The following CDK13 variants were observed in gnomAD, a reference collection of about 807,000 sequenced individuals.
CDK13 encodes the protein cyclin dependent kinase 13.
In CDK13, 40 loss-of-function variants were observed where a neutral mutation model predicts 137.6. The ratio of observed to expected loss-of-function variants is 0.29; its 90% CI spans 0.23 to 0.38. The LOEUF (loss-of-function observed/expected upper bound fraction) is 0.38. Ranked by LOEUF, CDK13 falls within the 10% of genes least tolerant of loss-of-function variation. The probability of loss-of-function intolerance (pLI) is 1.00; values close to 1 mark genes in which losing one functional copy is unlikely to be tolerated. For synonymous variants in CDK13, 869 were observed against 760.1 expected (o/e 1.14, Z -2.36); for missense variants, 1,704 against 1,951.8 (o/e 0.87, Z 2.39).
At chr7:40,091,525 G>A (rs907448088) in intron 12 of CDK13, among the ~76,000 whole-genome samples, 1 of 151,122 alleles carries the variant, frequency 6.6e-6, no homozygotes, top group Non-Finnish European at 1.5e-5. Flanking sequence ...AAAAAAAAAA[G>A]AAGGAGAATT....
intron 1 of CDK13, among the ~76,000 whole-genome samples, chr7:39,981,565 A>T (rs191172410): frequency 4.6e-5 from 7 of 152,168 alleles, no homozygotes; most frequent in African/African-American, 1.4e-4. Context: ...AAATTTGTTT[A>T]GTTTTAGGTT....
intron 5 of CDK13, among the ~76,000 whole-genome samples, chr7:40,045,100 G>A (rs931620470): frequency 6.6e-6 from 1 of 152,132 alleles, no homozygotes. Flanking sequence ...TCTGAACCAA[G>A]TTCAGATGCT....
chr7:40,020,582 T>G (rs1453662759), intron 5 of CDK13, among the ~76,000 whole-genome samples: 2 of 152,212 alleles, frequency 1.3e-5, no homozygotes, highest in East Asian at 3.8e-4. Context: ...AGAATGTTAT[T>G]GAGGTTACAC....
intron 5 of CDK13, among the ~76,000 whole-genome samples, chr7:40,041,150 A>G (rs528629236): frequency 6.6e-6 from 1 of 152,224 alleles, no homozygotes; most frequent in South Asian, 2.1e-4. Flanking sequence ...ACATTGTGAA[A>G]CCCCATCTCT....
chr7:39,971,337 C>T (rs980850730), intron 1 of CDK13, among the ~76,000 whole-genome samples: 1 of 151,102 alleles, frequency 6.6e-6, no homozygotes, highest in African/African-American at 2.4e-5. Flanking sequence ...GCCAACATGA[C>T]AAAACCCCAT....
At chr7:40,028,251 A>C (rs12334141) in intron 5 of CDK13, among the ~76,000 whole-genome samples, 5 of 141,242 alleles carry the variant, frequency 3.5e-5, no homozygotes, top group South Asian at 2.3e-4. Flanking sequence ...ATGGAGTCTC[A>C]CTCTGTCGCC....
At chr7:40,021,106 T>TAC (rs778814352) in intron 5 of CDK13, among the ~76,000 whole-genome samples, 2,424 of 65,296 alleles carry the variant, frequency 0.037, 48 homozygotes, top group South Asian at 0.051. Flanking sequence ...AACAAACGTA[T>TAC]ATATATATAT....
intron 13 of CDK13, among the ~76,000 whole-genome samples, chr7:40,093,921 AAAT>A (rs1786983083): frequency 3.5e-5 from 5 of 141,092 alleles, no homozygotes; most frequent in African/African-American, 5.5e-5. Flanking sequence ...AAAAAAAAAA[AAAT>A]TTTTTTTTTT....
At chr7:40,062,720 TTTAG>T in intron 7 of CDK13, 102 bp from the exon 8 acceptor site, 2 of 803,146 alleles carry the variant, frequency 2.5e-6, no homozygotes, top group Non-Finnish European at 4.2e-6. Context: ...TGAAAGTGTT[TTTAG>T]TTAGGATTAT....
At chr7:39,957,166 G>A (rs1787433331) in intron 1 of CDK13, among the ~76,000 whole-genome samples, 1 of 148,436 alleles carries the variant, frequency 6.7e-6, no homozygotes, top group African/African-American at 2.5e-5. Context: ...GTGTTGCTCA[G>A]GCTGGTCTCC....
At chr7:39,956,049 C>A (rs894055053) in intron 1 of CDK13, among the ~76,000 whole-genome samples, 1 of 151,640 alleles carries the variant, frequency 6.6e-6, no homozygotes, top group East Asian at 1.9e-4. Context: ...AGTGTTTTGT[C>A]CTGAAAACTA....
intron 12 of CDK13, among the ~76,000 whole-genome samples, chr7:40,090,037 T>C (rs1354543180): frequency 6.6e-6 from 1 of 152,218 alleles, no homozygotes; most frequent in East Asian, 1.9e-4. Context: ...AAAAGTATTC[T>C]TTCTTGAAAT....
At position 40,098,119 on chromosome 7, in the gene CDK13, G is replaced by A. The variant is rs190289664; in HGVS notation, c.*3139G>A. 1.3e-5 allele frequency: 2 copies of A among 152,114 alleles called. No individual in the cohort carries two copies. The highest frequency in any genetic ancestry group is 2.1e-4 in the South Asian group (1 of 4,818). The allele number at this position is 152,114 out of a possible 1,614,324, so 9.4% of individuals were successfully genotyped here. On this transcript the variant is annotated 3_prime_UTR_variant, in exon 14 of 14. Transcript: ENST00000181839. ...TTTTTGAAATTTTAAATTGAAATTT[G>A]GATAGAGATGGTTATGGAGAGAAAT...
At chr7:40,019,932 G>C (rs1057454067) in intron 5 of CDK13, among the ~76,000 whole-genome samples, 3 of 152,108 alleles carry the variant, frequency 2.0e-5, no homozygotes, top group African/African-American at 7.2e-5. Flanking sequence ...CAAGAATTTG[G>C]ATAACAGGAA....
chr7:40,032,451 A>G (rs1785400727), intron 5 of CDK13, among the ~76,000 whole-genome samples: 1 of 152,238 alleles, frequency 6.6e-6, no homozygotes, highest in South Asian at 2.1e-4. Context: ...GGTGTCTTGT[A>G]TAAAACGTCA....
intron 2 of CDK13, among the ~76,000 whole-genome samples, chr7:39,990,994 C>T (rs900789399): frequency 6.7e-5 from 10 of 148,330 alleles, no homozygotes; most frequent in Non-Finnish European, 1.4e-4. Flanking sequence ...CATGTAGATC[C>T]GGTGTGTAAC....
chr7:40,040,092 A>G lies in CDK13; in HGVS notation c.2354-5744A>G, dbSNP rs1584025960. On this transcript the variant is annotated intron_variant, in intron 5 of 13. Transcript: ENST00000181839. ...AATGGCACAATCTCAGCTCACTGCA[A>G]CCTCTGTCTCCCAGATTCAAGCGAT... 2.0e-5 allele frequency among the ~76,000 whole-genome samples: 3 copies of G among 150,816 alleles called. No individual in the cohort carries two copies. In the South Asian group the frequency reaches 6.3e-4, roughly 32 times the overall value.
At chr7:40,008,861 G>A (rs1436718143) in intron 5 of CDK13, among the ~76,000 whole-genome samples, 3 of 152,020 alleles carry the variant, frequency 2.0e-5, no homozygotes, top group African/African-American at 7.3e-5. Context: ...AATAGTCTGC[G>A]TTCTACATTT....
At chr7:39,995,537 C>T (rs1413803236) in intron 2 of CDK13, among the ~76,000 whole-genome samples, 1 of 152,230 alleles carries the variant, frequency 6.6e-6, no homozygotes, top group African/African-American at 2.4e-5. Flanking sequence ...CTTTATCCTA[C>T]TTCCTACCTG....
Sources: gnomAD v4.1 joint callset for allele counts (sites outside exome capture counted in the v4.1 genomes callset) on GRCh38, gnomAD v4.1.1 for gene constraint, MANE v1.5 for transcripts, NCBI Gene and HGNC (gene_info 2026-07-23, HGNC 2026-07-21) for gene names.